Variants in DNAH11 observed in about 807,000 individuals in gnomAD.
DNAH11 encodes axonemal beta dynein heavy chain 11.
A neutral mutation model predicts 526.0 loss-of-function variants in DNAH11; 442 were observed. The observed-to-expected ratio is 0.84, with a 90% CI of 0.78 to 0.91. The LOEUF is 0.91. Among genes scored for constraint, DNAH11 ranks in the 40% least tolerant of loss-of-function variants. The pLI, the probability that DNAH11 is intolerant of heterozygous loss-of-function variation, is 0.00. For synonymous variants in DNAH11, 2,461 were observed against 1,935.9 expected (o/e 1.27, Z -7.12); for missense variants, 6,989 against 5,448.7 (o/e 1.28, Z -8.90).
chr7:21,625,346 C>G (rs1004132141), intron 25 of DNAH11, among the ~76,000 whole-genome samples: 2 of 152,016 alleles, frequency 1.3e-5, no homozygotes, highest in Admixed American at 6.5e-5. Flanking sequence ...GTATTTCTGT[C>G]GTATCAGTTG....
At chr7:21,673,167 A>G (rs1019333436) in intron 30 of DNAH11, among the ~76,000 whole-genome samples, 10 of 152,294 alleles carry the variant, frequency 6.6e-5, no homozygotes, top group African/African-American at 1.9e-4. Context: ...TACCACAATC[A>G]TTGGAGGCCA....
intron 55 of DNAH11, among the ~76,000 whole-genome samples, chr7:21,772,874 T>G (rs1405014603): frequency 6.6e-6 from 1 of 152,148 alleles, no homozygotes; most frequent in Non-Finnish European, 1.5e-5. Context: ...ATATTAATGG[T>G]GCAGGTTTGA....
chr7:21,803,127 G>A (rs1185767743), intron 62 of DNAH11, among the ~76,000 whole-genome samples: 1 of 152,058 alleles, frequency 6.6e-6, no homozygotes, highest in Non-Finnish European at 1.5e-5. Context: ...ACTAAAAAGT[G>A]TATAATTGCA....
At chr7:21,723,448 C>G (rs191121795) in intron 44 of DNAH11, among the ~76,000 whole-genome samples, 30 of 152,340 alleles carry the variant, frequency 2.0e-4, no homozygotes, top group African/African-American at 7.2e-4. Context: ...TCAACTTTAT[C>G]TGAACTCCCA....
chr7:21,671,268 A>C (rs1782632262), intron 30 of DNAH11, among the ~76,000 whole-genome samples: 1 of 152,230 alleles, frequency 6.6e-6, no homozygotes, highest in South Asian at 2.1e-4. Context: ...GCAAATTACA[A>C]ACCTCTGGCC....
intron 65 of DNAH11, among the ~76,000 whole-genome samples, chr7:21,823,181 C>T (rs1216943942): frequency 1.3e-5 from 2 of 151,904 alleles, no homozygotes. Context: ...GAGGTCTTAT[C>T]CCCAAAATCT....
In DNAH11 at chr7:21,635,982, G is replaced by T. The variant is rs1477038941; in HGVS notation, c.4612G>T (p.Glu1538Ter). ...AGACTTGGTCATCTTCACTTGGATG[G>T]AAGTCCAGCGAACTTGGTCTCACCT... ...IADLVIFTWM[E>*]VQRTWSHLES... Residue 1538 changes from glutamate (E) to a stop codon, truncating the protein, a stop_gained, in exon 26 of 82, where the codon GAA becomes TAA. Coordinates refer to ENST00000409508, the MANE Select transcript of DNAH11 (RefSeq NM_001277115.2). LOFTEE classifies it high-confidence loss of function. 1 of 1,613,638 alleles carries T rather than the reference G, an allele frequency of 6.2e-7. No individual in the cohort carries two copies. The highest frequency in any genetic ancestry group is 1.7e-5 in the Admixed American group (1 of 59,990).
intron 65 of DNAH11, among the ~76,000 whole-genome samples, chr7:21,827,059 C>A (rs1403848596): frequency 1.3e-5 from 2 of 152,172 alleles, no homozygotes; most frequent in African/African-American, 4.8e-5. Context: ...TGGACCAATA[C>A]ATCAGCCCAG....
At chr7:21,577,418 C>T (rs1351391744) in intron 8 of DNAH11, among the ~76,000 whole-genome samples, 1 of 152,122 alleles carries the variant, frequency 6.6e-6, no homozygotes, top group Non-Finnish European at 1.5e-5. Flanking sequence ...TGATTTTCAT[C>T]CCTGCTGGCC....
chr7:21,694,482 G>C (rs2128476043), intron 35 of DNAH11, among the ~76,000 whole-genome samples: 1 of 152,262 alleles, frequency 6.6e-6, no homozygotes, highest in South Asian at 2.1e-4. Context: ...AGTTTGCTGA[G>C]AATGATGGTT....
At position 21,589,194 on chromosome 7, in the gene DNAH11, C is replaced by T. The variant is rs1562682838; in HGVS notation, c.1974-14C>T. The stretch of plus-strand genomic sequence containing the variant: ...ATATACGTATAAACCAGTAGAAAAA[C>T]CTTATTCCTACAGATTTTTGGGCAA... On this transcript the variant is annotated splice_polypyrimidine_tract_variant and intron_variant, in intron 11 of 81. Transcript: ENST00000409508. 1 of 1,580,440 alleles carries T rather than the reference C, an allele frequency of 6.3e-7. No homozygotes were observed. The highest frequency in any genetic ancestry group is 2.0e-5 in the Admixed American group (1 of 51,232).
chr7:21,669,269 TCG>T (rs34739901), intron 30 of DNAH11, among the ~76,000 whole-genome samples: 55,073 of 151,888 alleles, frequency 0.36, 11,810 homozygotes, highest in Non-Finnish European at 0.49. Context: ...ACTCCTGGGC[TCG>T]AGCGATTCTC....
chr7:21,579,172 C>G (rs988080608), intron 8 of DNAH11, among the ~76,000 whole-genome samples: 1 of 152,134 alleles, frequency 6.6e-6, no homozygotes, highest in Non-Finnish European at 1.5e-5. Flanking sequence ...CTAATTACAA[C>G]CCTTCAATAG....
chr7:21,785,511 A>G (rs1788133332), intron 58 of DNAH11, among the ~76,000 whole-genome samples: 1 of 152,252 alleles, frequency 6.6e-6, no homozygotes, highest in African/African-American at 2.4e-5. Context: ...GGTATTTTAT[A>G]TGACTAATTC....
At chr7:21,770,369 A>G (rs990091020) in intron 55 of DNAH11, among the ~76,000 whole-genome samples, 17 of 152,202 alleles carry the variant, frequency 1.1e-4, no homozygotes, top group Admixed American at 5.9e-4. Flanking sequence ...CGTGAAACAA[A>G]GTTTTGACTG....
At chr7:21,627,209 C>G (rs757276758) in intron 25 of DNAH11, among the ~76,000 whole-genome samples, 1 of 151,878 alleles carries the variant, frequency 6.6e-6, no homozygotes, top group Non-Finnish European at 1.5e-5. Flanking sequence ...ATATTTTCTC[C>G]CATTCTGTAG....
At position 21,591,231 on chromosome 7, in the gene DNAH11, A is replaced by C. The variant is rs1173248764; in HGVS notation, c.2321A>C (p.Lys774Thr). The C allele has an allele frequency of 1.3e-6, 2 of 1,582,082 alleles. No homozygotes were observed. The highest frequency in any genetic ancestry group is 2.3e-5 in the South Asian group (2 of 86,500). The change falls in exon 14 of 82, where the codon AAA (lysine) becomes ACA (threonine). Residue 774 changes from lysine (K) to threonine (T), a missense_variant. By Grantham distance (78) the Lys-to-Thr change is moderately conservative. Transcript: ENST00000409508. ...CTTGTGCAAGGGTATAATAAACTCA[A>C]ACAGACGCTCCTGGAAGTTGAATAC... ...DLLVQGYNKLKQTLLEVEYPL... is the reference protein window; with the variant it reads ...DLLVQGYNKLTQTLLEVEYPL...
At chr7:21,829,447 G>A (rs1790452573) in intron 65 of DNAH11, among the ~76,000 whole-genome samples, 1 of 152,122 alleles carries the variant, frequency 6.6e-6, no homozygotes, top group Non-Finnish European at 1.5e-5. Context: ...AGCAGGTTTT[G>A]CAAATCTTTT....
chr7:21,571,646 T>C (rs1218352299), intron 7 of DNAH11, among the ~76,000 whole-genome samples, 160 bp from the exon 8 acceptor site: 1 of 152,190 alleles, frequency 6.6e-6, no homozygotes, highest in Non-Finnish European at 1.5e-5. Flanking sequence ...ATGACTTTGT[T>C]TAATTAAATA....
Sources: gnomAD v4.1 joint callset for allele counts (sites outside exome capture counted in the v4.1 genomes callset) on GRCh38, gnomAD v4.1.1 for gene constraint, MANE v1.5 for transcripts, NCBI Gene and HGNC (gene_info 2026-07-23, HGNC 2026-07-21) for gene names.